Variants in CRLS1 observed in about 807,000 individuals in gnomAD.
CRLS1 encodes cardiolipin synthase (CMP-forming).
Under a neutral mutation model 37.0 loss-of-function variants are expected in CRLS1, and 24 were observed. The ratio of observed to expected loss-of-function variants is 0.65; its 90% CI spans 0.47 to 0.91. The LOEUF (loss-of-function observed/expected upper bound fraction) is 0.91, where lower values mean the gene tolerates loss of function less well. Ranked by LOEUF, CRLS1 falls within the 40% of genes least tolerant of loss-of-function variation. The pLI, the probability that CRLS1 is intolerant of heterozygous loss-of-function variation, is 0.00. For missense variants in CRLS1, 373 were observed against 395.8 expected (o/e 0.94, Z 0.49); for synonymous variants, 135 against 159.7 (o/e 0.85, Z 1.17).
chr20:6,028,411 TTTTTATTA>T (rs1269066852), intron 3 of CRLS1: 1 of 151,956 alleles, frequency 6.6e-6, no homozygotes, highest in South Asian at 2.1e-4. Flanking sequence ...TATTATTTTA[TTTTTATTA>T]TTTTATTTAT....
intron 3 of CRLS1, 46 bp downstream of exon 3, chr20:6,015,536 A>G (rs1400555254): frequency 6.3e-7 from 1 of 1,585,664 alleles, no homozygotes; most frequent in Admixed American, 1.7e-5. Context: ...GGGAAGAATG[A>G]CATTAGTCAG....
rs1387990100 is a variant in CRLS1 at position 6,037,772 on chromosome 20, T to G, written c.*614T>G. ...TCATTTTCGGTAGTCTTCCAACCTC[T>G]CAGGTGCCTAATAATTTATGTTTGA... is the stretch of plus-strand genomic sequence containing the variant. On this transcript the variant is annotated 3_prime_UTR_variant, in exon 7 of 7. Transcript: ENST00000378863. The G allele has an allele frequency of 6.6e-6, 1 of 152,206 alleles. No homozygotes were observed. The highest frequency in any genetic ancestry group is 1.5e-5 in the Non-Finnish European group (1 of 68,036). 9.4% of individuals were successfully genotyped at this position (152,206 alleles called of 1,614,324 possible).
intron 1 of CRLS1, among the ~76,000 whole-genome samples, chr20:6,008,425 C>G (rs1224986942): frequency 1.3e-5 from 2 of 152,184 alleles, no homozygotes; most frequent in Non-Finnish European, 2.9e-5. Context: ...AATATCCTCT[C>G]ATGAGTCAGA....
intron 6 of CRLS1, among the ~76,000 whole-genome samples, chr20:6,035,742 C>T (rs1277512902): frequency 6.6e-6 from 1 of 152,116 alleles, no homozygotes; most frequent in African/African-American, 2.4e-5. Flanking sequence ...CAGCTTCAGC[C>T]TCCTGAGTAG....
chr20:6,024,495 C>T (rs1202600833), intron 3 of CRLS1, among the ~76,000 whole-genome samples: 1 of 152,174 alleles, frequency 6.6e-6, no homozygotes, highest in South Asian at 2.1e-4. Flanking sequence ...CTGTGGGTCC[C>T]CTATCACTCT....
intron 3 of CRLS1, chr20:6,015,752 C>A: frequency 2.9e-6 from 1 of 346,182 alleles, no homozygotes; most frequent in Non-Finnish European, 5.5e-6. Context: ...TTTCACAGTG[C>A]CAATTCATAT....
chr20:6,011,400 T>A (rs2090130389), intron 2 of CRLS1, among the ~76,000 whole-genome samples: 1 of 151,898 alleles, frequency 6.6e-6, no homozygotes, highest in Non-Finnish European at 1.5e-5. Flanking sequence ...CAGAAGATTT[T>A]GGAGTGCAGA....
Position 6,031,237 on chromosome 20 carries a change from A to C in CRLS1, c.575-48A>C, listed in dbSNP as rs753187646. 10 of 1,241,458 alleles carry C rather than the reference A, an allele frequency of 8.1e-6. No individual in the cohort carries two copies. In the East Asian group the frequency reaches 1.4e-4, roughly 17 times the overall value. The allele number at this position is 1,241,458 out of a possible 1,614,324, so 76.9% of individuals were successfully genotyped here. ...TATTATTGTATTCATAATGCATATT[A>C]GTACTCTTCAGAATCCCAGTTAAAA... is the stretch of plus-strand genomic sequence containing the variant. On this transcript the variant is annotated intron_variant, in intron 3 of 6. Transcript: ENST00000378863.
At position 6,009,832 on chromosome 20, in the gene CRLS1, C is replaced by T; in HGVS notation, c.364C>T (p.Pro122Ser). Residue 122 changes from proline (P) to serine (S), a missense_variant, in exon 2 of 7, where the codon CCA (proline) becomes TCA (serine). Physicochemically the swap from Pro to Ser is moderately conservative, Grantham distance 74 (BLOSUM62 -1). Coordinates refer to ENST00000378863, the MANE Select transcript of CRLS1 (RefSeq NM_019095.6). The part of the protein sequence containing the change: ...MLSMTRIGLA[P>S]VLGYLIIEED... ...GTCAATGACGAGAATTGGCTTGGCC[C>T]CAGTTCTGGGCTATTTGATTATTGA... 1 of 1,613,976 alleles carries T rather than the reference C, an allele frequency of 6.2e-7. No homozygotes were observed. Among genetic ancestry groups the T allele is most frequent in the Non-Finnish European group, 8.5e-7 (1 of 1,179,920 alleles).
chr20:6,015,849 T>C (rs1241797921), intron 3 of CRLS1: 1 of 264,652 alleles, frequency 3.8e-6, no homozygotes, highest in Non-Finnish European at 7.5e-6. Context: ...TTATTATCTT[T>C]ATTAATATCG....
chr20:6,037,307 G>A lies in CRLS1; in HGVS notation c.*149G>A. 2.3e-6 allele frequency: 1 copy of A among 428,530 alleles called. No individual in the cohort carries two copies. The highest frequency in any genetic ancestry group is 4.1e-6 in the Non-Finnish European group (1 of 242,574). 26.5% of individuals were successfully genotyped at this position (428,530 alleles called of 1,614,324 possible). On this transcript the variant is annotated 3_prime_UTR_variant, in exon 7 of 7. Transcript: ENST00000378863. ...TGTGTCATCAAAATTTAAGTAATGT[G>A]CATTGAAAATAAGGTTGATCATGGG...
chr20:6,007,445 T>C, intron 1 of CRLS1: 1 of 1,603,498 alleles, frequency 6.2e-7, no homozygotes, highest in South Asian at 1.1e-5. Context: ...TTAGCTCTCC[T>C]AACATTAACT....
chr20:6,034,570 G>A lies in CRLS1; in HGVS notation c.821+15G>A. On this transcript the variant is annotated intron_variant, in intron 6 of 6. Coordinates refer to ENST00000378863, the MANE Select transcript of CRLS1 (RefSeq NM_019095.6). ...CAGATACTATGGTAAGCTAAATTTAGAATCACTCTCTTAGAATGTCAACAG... is the reference window on the plus strand; with the variant it reads ...CAGATACTATGGTAAGCTAAATTTAAAATCACTCTCTTAGAATGTCAACAG... The A allele has an allele frequency of 6.5e-7, 1 of 1,539,408 alleles. No individual in the cohort carries two copies.
At chr20:6,013,874 C>G (rs1287332288) in intron 2 of CRLS1, among the ~76,000 whole-genome samples, 1 of 151,704 alleles carries the variant, frequency 6.6e-6, no homozygotes, top group Admixed American at 6.6e-5. Flanking sequence ...AGGGGAGTTA[C>G]AGATGTTTAT....
chr20:6,009,137 A>G (rs562857564), intron 1 of CRLS1, among the ~76,000 whole-genome samples: 1 of 152,204 alleles, frequency 6.6e-6, no homozygotes, highest in East Asian at 1.9e-4. Context: ...AGCCTGGCCA[A>G]CACAGTGAAA....
chr20:6,028,924 G>C (rs1234551200), intron 3 of CRLS1, among the ~76,000 whole-genome samples: 2 of 152,230 alleles, frequency 1.3e-5, no homozygotes, highest in Non-Finnish European at 2.9e-5. Context: ...GAGAAGAGGA[G>C]TCCAAGAGAG....
chr20:6,012,925 G>A (rs1219328045), intron 2 of CRLS1, among the ~76,000 whole-genome samples: 3 of 152,162 alleles, frequency 2.0e-5, no homozygotes, highest in Non-Finnish European at 4.4e-5. Context: ...GTTGTGTCGA[G>A]GTCAGGTACT....
chr20:6,015,353 A>T lies in CRLS1; in HGVS notation c.445-8A>T. The stretch of plus-strand genomic sequence containing the variant: ...TTTATATATATAAAAAAAAACTTCT[A>T]TTTTCAGTTGGATGGATTTATTGCT... On this transcript the variant is annotated splice_polypyrimidine_tract_variant and splice_region_variant and intron_variant, in intron 2 of 6. Transcript: ENST00000378863. 6.5e-7 allele frequency: 1 copy of T among 1,548,974 alleles called. No individual in the cohort carries two copies. Among genetic ancestry groups the T allele is most frequent in the Non-Finnish European group, 8.7e-7 (1 of 1,145,934 alleles).
At chr20:6,028,241 C>T (rs1979880386) in intron 3 of CRLS1, 1 of 151,918 alleles carries the variant, frequency 6.6e-6, no homozygotes, top group Non-Finnish European at 1.5e-5. Context: ...AATCATTCTG[C>T]TATTCTTTTT....
Sources: gnomAD v4.1 joint callset for allele counts (sites outside exome capture counted in the v4.1 genomes callset) on GRCh38, gnomAD v4.1.1 for gene constraint, MANE v1.5 for transcripts, NCBI Gene and HGNC (gene_info 2026-07-23, HGNC 2026-07-21) for gene names.